The following SYNE2 variants were observed in gnomAD, a reference collection of about 807,000 sequenced individuals.
SYNE2 encodes the protein nesprin-2.
Under a neutral mutation model 856.3 loss-of-function variants are expected in SYNE2, and 431 were observed. That is an observed-to-expected ratio of 0.50 (90% CI 0.47 to 0.55). The LOEUF (loss-of-function observed/expected upper bound fraction) is 0.55, where lower values mean the gene tolerates loss of function less well. Among genes scored for constraint, SYNE2 ranks in the 20% least tolerant of loss-of-function variants. The probability of loss-of-function intolerance (pLI) is 0.00; values close to 1 mark genes in which losing one functional copy is unlikely to be tolerated. For missense variants in SYNE2, 8,129 were observed against 8,023.2 expected, an observed-to-expected ratio of 1.01 and a Z score of -0.50; for synonymous variants, 2,923 against 2,872.3, an observed-to-expected ratio of 1.02 and a Z score of -0.56.
At chr14:64,107,641 G>T (rs2153650504) in intron 65 of SYNE2, 34 bp downstream of exon 65, 12 of 1,532,666 alleles carry the variant, frequency 7.8e-6, no homozygotes, top group East Asian at 6.7e-5. Flanking sequence ...AAACTGCTCA[G>T]ATAGCTGGAC....
rs546349164 is a variant in SYNE2 at position 64,018,000 on chromosome 14, G to T, written c.5049+244G>T. On this transcript the variant is annotated intron_variant, in intron 34 of 115. Transcript: ENST00000555002. ...TAATGGGGAAACGTGCTAGTATTAC[G>T]TATCACAAATTGTTTTTAATATTTT... is the stretch of plus-strand genomic sequence containing the variant. 3.3e-5 allele frequency among the ~76,000 whole-genome samples: 5 copies of T among 152,204 alleles called. No individual in the cohort carries two copies. In the East Asian group the frequency reaches 9.6e-4, roughly 29 times the overall value.
In SYNE2 at chr14:64,080,328, G is replaced by A. The variant is rs17766178; in HGVS notation, c.11164-128G>A. 42,374 of 970,590 alleles carry A rather than the reference G, an allele frequency of 0.044. 1,230 individuals carry two copies. The highest frequency in any genetic ancestry group is 0.087 in the Admixed American group (4,957 of 56,956). The allele number at this position is 970,590 out of a possible 1,614,324, so 60.1% of individuals were successfully genotyped here. ...AATTGCTGGGTATAAATTAACAACT[G>A]TTCATGTGATGTTGTTTCTGTGATG... On this transcript the variant is annotated intron_variant, in intron 55 of 115. Transcript: ENST00000555002.
intron 45 of SYNE2, among the ~76,000 whole-genome samples, chr14:64,039,391 A>G (rs974683943): frequency 2.0e-5 from 3 of 152,216 alleles, no homozygotes; most frequent in African/African-American, 7.2e-5. Flanking sequence ...TCAGTCATTT[A>G]GAGCTCAGTG....
intron 14 of SYNE2, 103 bp downstream of exon 14, chr14:63,979,117 A>T: frequency 8.3e-7 from 1 of 1,208,842 alleles, no homozygotes; most frequent in Non-Finnish European, 1.2e-6. Flanking sequence ...GGGTTTTGAG[A>T]TGGGTTTTCT....
At chr14:64,222,152 T>A (rs2098697380) in intron 112 of SYNE2, among the ~76,000 whole-genome samples, 1 of 152,176 alleles carries the variant, frequency 6.6e-6, no homozygotes, top group African/African-American at 2.4e-5. Flanking sequence ...AAGATGAGAT[T>A]TCTGTATTCT....
At chr14:64,018,078 G>A (rs2096907350) in intron 34 of SYNE2, among the ~76,000 whole-genome samples, 1 of 152,054 alleles carries the variant, frequency 6.6e-6, no homozygotes, top group African/African-American at 2.4e-5. Flanking sequence ...TTTAGTTTAT[G>A]CTTTATTTTA....
chr14:64,126,468 G>A lies in SYNE2; in HGVS notation c.13696G>A (p.Val4566Met), dbSNP rs201357524. 5.6e-6 allele frequency: 9 copies of A among 1,614,122 alleles called. No individual in the cohort carries two copies. The highest frequency in any genetic ancestry group is 7.6e-6 in the Non-Finnish European group (9 of 1,179,998). Reference sequence around the variant, plus strand: ...CAGGGAGGATGGTTCTGGCCAGCAGGTGCACTACGAGGTAGGGCACTTCTC... The same window carrying A: ...CAGGGAGGATGGTTCTGGCCAGCAGATGCACTACGAGGTAGGGCACTTCTC... Reference protein sequence around the residue: ...LYREDGSGQQVHYETLALELK... With the variant: ...LYREDGSGQQMHYETLALELK... The change falls in exon 72 of 116, where the codon GTG (valine) becomes ATG (methionine). Residue 4566 changes from valine to methionine, a missense_variant. By Grantham distance (21) the Val-to-Met change is conservative. Around this residue, in one of 3 missense-constraint regions of SYNE2, gnomAD observed 5,410 missense variants for 5,284.8 expected, o/e 1.02. Coordinates refer to ENST00000555002, the MANE Select transcript of SYNE2 (RefSeq NM_182914.3).
intron 6 of SYNE2, among the ~76,000 whole-genome samples, chr14:63,943,696 A>G (rs1245965585): frequency 6.7e-6 from 1 of 149,760 alleles, no homozygotes; most frequent in Non-Finnish European, 1.5e-5. Flanking sequence ...TTTGAGACAG[A>G]GTCTTGCTCT....
At chr14:64,203,922 G>T (rs541346316) in intron 100 of SYNE2, among the ~76,000 whole-genome samples, 1 of 152,160 alleles carries the variant, frequency 6.6e-6, no homozygotes, top group South Asian at 2.1e-4. Context: ...TCACTATATT[G>T]CCCCGGCTGG....
intron 18 of SYNE2, 96 bp downstream of exon 18, chr14:63,983,982 C>A: frequency 1.1e-6 from 1 of 897,452 alleles, no homozygotes; most frequent in Non-Finnish European, 1.7e-6. Context: ...TGGCTCATGC[C>A]TGTAATCCCA....
At chr14:63,934,797 C>T (rs1404721424) in intron 2 of SYNE2, among the ~76,000 whole-genome samples, 2 of 152,112 alleles carry the variant, frequency 1.3e-5, no homozygotes, top group Non-Finnish European at 2.9e-5. Context: ...ATGGAAAAAT[C>T]TCTCTTGGTC....
Position 63,985,188 on chromosome 14 carries a change from G to A in SYNE2, c.2152-1268G>A, listed in dbSNP as rs886936630. Among the ~76,000 whole-genome samples the A allele has an allele frequency of 2.6e-5, 4 of 152,100 alleles. No homozygotes were observed. The South Asian group carries it at 6.2e-4, about 24-fold the overall frequency. Reference sequence around the variant, plus strand: ...TTACTAAAAATACAAAAATTAGCTGGGAGTGGTGGCGGGTGCTTGTAATCC... The same window carrying A: ...TTACTAAAAATACAAAAATTAGCTGAGAGTGGTGGCGGGTGCTTGTAATCC... On this transcript the variant is annotated intron_variant, in intron 18 of 115. Transcript: ENST00000555002.
rs550930879 is a variant in SYNE2 at position 64,215,147 on chromosome 14, T to G, written c.19334-139T>G. ...AGTTGGCTGGAAAAAAAAATCTTTC[T>G]GGTTTTCAAAATCCTTTTAATTAAA... On this transcript the variant is annotated intron_variant, in intron 106 of 115. Coordinates refer to ENST00000555002, the MANE Select transcript of SYNE2 (RefSeq NM_182914.3). 13 of 840,860 alleles carry G rather than the reference T, an allele frequency of 1.5e-5. No individual in the cohort carries two copies. The African/African-American group carries it at 1.7e-4, about 11-fold the overall frequency. 52.1% of individuals were successfully genotyped at this position (840,860 alleles called of 1,614,324 possible).
At chr14:63,822,868 C>G (rs1889274877) in intron 1 of SYNE2, among the ~76,000 whole-genome samples, 3 of 152,150 alleles carry the variant, frequency 2.0e-5, no homozygotes, top group Admixed American at 2.0e-4. Flanking sequence ...CATTGAGAGG[C>G]TGAGGCAGAA....
intron 1 of SYNE2, among the ~76,000 whole-genome samples, chr14:63,842,828 A>T (rs1051649745): frequency 5.9e-5 from 9 of 152,048 alleles, no homozygotes; most frequent in African/African-American, 2.2e-4. Flanking sequence ...AGAACAAAGG[A>T]TCCTTTTTGT....
chr14:64,152,551 C>G lies in SYNE2; in HGVS notation c.15640-13C>G. Reference sequence around the variant, plus strand: ...TATTGTGCATTGAAAACCTTTTCCTCTTACTCTTCCAGGATATAGAAAATC... The same window carrying G: ...TATTGTGCATTGAAAACCTTTTCCTGTTACTCTTCCAGGATATAGAAAATC... On this transcript the variant is annotated splice_polypyrimidine_tract_variant and intron_variant, in intron 84 of 115. Coordinates refer to ENST00000555002, the MANE Select transcript of SYNE2 (RefSeq NM_182914.3). 1 of 1,613,834 alleles carries G rather than the reference C, an allele frequency of 6.2e-7. No individual in the cohort carries two copies. The highest frequency in any genetic ancestry group is 8.5e-7 in the Non-Finnish European group (1 of 1,179,876).
intron 39 of SYNE2, 123 bp downstream of exon 39, chr14:64,024,582 C>A: frequency 1.1e-6 from 1 of 950,378 alleles, no homozygotes; most frequent in Non-Finnish European, 1.6e-6. Flanking sequence ...AAAAGGCGTA[C>A]TTTTCAATCC....
In SYNE2 at chr14:64,022,790, A is replaced by C. The variant is rs1324792610; in HGVS notation, c.5564A>C (p.Lys1855Thr). Reference sequence around the variant, plus strand: ...TTTAATGACTGGTTCAGCAACATTAAAGTGAACCTTAAGGAGTGTTTTGAA... The same window carrying C: ...TTTAATGACTGGTTCAGCAACATTACAGTGAACCTTAAGGAGTGTTTTGAA... ...KNFNDWFSNI[K>T]VNLKECFESS... Residue 1855 changes from lysine (K) to threonine (T), a missense_variant, in exon 38 of 116, where the codon AAA becomes ACA. Lys to Thr is a moderately conservative substitution (Grantham distance 78, BLOSUM62 -1). Transcript: ENST00000555002. The C allele has an allele frequency of 6.2e-7, 1 of 1,611,266 alleles. No homozygotes were observed. The highest frequency in any genetic ancestry group is 8.5e-7 in the Non-Finnish European group (1 of 1,177,786).
rs577343462 is a variant in SYNE2 at position 64,151,649 on chromosome 14, A to G, written c.15640-915A>G. 9.9e-5 allele frequency among the ~76,000 whole-genome samples: 15 copies of G among 152,212 alleles called. No individual in the cohort carries two copies. In the East Asian group the frequency reaches 2.5e-3, roughly 25 times the overall value. ...AGCTAAGGGTCGTTATCTTGAGGCC[A>G]TGCATTCAGAACACATGCATCTGGA... On this transcript the variant is annotated intron_variant, in intron 84 of 115. Coordinates refer to ENST00000555002, the MANE Select transcript of SYNE2 (RefSeq NM_182914.3).
Sources: allele counts gnomAD v4.1 joint callset (sites outside exome capture counted in the v4.1 genomes callset), GRCh38; gene constraint gnomAD v4.1.1; regional missense constraint gnomAD v4.1.1; transcripts MANE v1.5; gene names NCBI Gene and HGNC (gene_info 2026-07-23, HGNC 2026-07-21).